The following ATP8B4 variants were observed in gnomAD, a reference collection of about 807,000 sequenced individuals.
The protein encoded by ATP8B4 is probable phospholipid-transporting ATPase IM.
Under a neutral mutation model 145.6 loss-of-function variants are expected in ATP8B4, and 133 were observed. The ratio of observed to expected loss-of-function variants is 0.91; its 90% CI spans 0.79 to 1.05. ATP8B4 has a LOEUF of 1.05. Ranked by LOEUF, ATP8B4 falls within the 50% of genes least tolerant of loss-of-function variation. The pLI is 0.00. For missense variants in ATP8B4, 1,458 were observed against 1,425.2 expected (o/e 1.02, Z -0.37); for synonymous variants, 507 against 492.9 (o/e 1.03, Z -0.38).
At chr15:50,152,869 T>C (rs749598938) in intron 1 of ATP8B4, among the ~76,000 whole-genome samples, 7 of 152,218 alleles carry the variant, frequency 4.6e-5, no homozygotes, top group Non-Finnish European at 8.8e-5. Flanking sequence ...AAATGTAATA[T>C]TTTGTGGAGG....
intron 23 of ATP8B4, among the ~76,000 whole-genome samples, chr15:49,892,456 G>A (rs2036936202): frequency 6.6e-6 from 1 of 152,144 alleles, no homozygotes; most frequent in Non-Finnish European, 1.5e-5. Flanking sequence ...TATTAAAATG[G>A]AAGTTTTTGT....
At chr15:50,046,308 ACTCT>A (rs1003589797) in intron 4 of ATP8B4, among the ~76,000 whole-genome samples, 6 of 146,698 alleles carry the variant, frequency 4.1e-5, no homozygotes, top group African/African-American at 1.3e-4. Flanking sequence ...TCTCTGCCCC[ACTCT>A]CTCTCTCTCT....
At chr15:49,870,468 T>A (rs548048431) in intron 25 of ATP8B4, among the ~76,000 whole-genome samples, 102 of 152,212 alleles carry the variant, frequency 6.7e-4, no homozygotes, top group African/African-American at 2.1e-3. Context: ...AATACTTTTT[T>A]AAAAAAACAA....
At chr15:50,158,102 C>T (rs1275331179) in intron 1 of ATP8B4, among the ~76,000 whole-genome samples, 2 of 152,184 alleles carry the variant, frequency 1.3e-5, no homozygotes, top group African/African-American at 2.4e-5. Flanking sequence ...TCTCGGCTCG[C>T]TACAACCTCC....
At chr15:50,172,986 G>A (rs552144785) in intron 1 of ATP8B4, among the ~76,000 whole-genome samples, 44 of 147,914 alleles carry the variant, frequency 3.0e-4, no homozygotes, top group East Asian at 1.4e-3. Flanking sequence ...GCCCCCGCCC[G>A]GCCAGCCGCC....
chr15:50,114,103 C>CTTTTTTTTTTTTTT (rs755159123), intron 1 of ATP8B4, among the ~76,000 whole-genome samples: 1,030 of 55,580 alleles, frequency 0.019, 80 homozygotes, highest in Middle Eastern at 0.028. Flanking sequence ...CTCCTAGTTT[C>CTTTTTTTTTTTTTT]TTTTTTTTTT....
intron 14 of ATP8B4, among the ~76,000 whole-genome samples, chr15:49,938,058 A>G (rs533516378): frequency 6.6e-6 from 1 of 152,294 alleles, no homozygotes; most frequent in African/African-American, 2.4e-5. Context: ...AAATATTCCC[A>G]AACAAGTAAC....
At chr15:50,045,146 G>T (rs2051617179) in intron 4 of ATP8B4, among the ~76,000 whole-genome samples, 1 of 152,168 alleles carries the variant, frequency 6.6e-6, no homozygotes, top group Non-Finnish European at 1.5e-5. Flanking sequence ...CATTGAGTTA[G>T]ATTCCTACTA....
At chr15:49,930,607 T>C (rs2041161047) in intron 16 of ATP8B4, among the ~76,000 whole-genome samples, 1 of 152,012 alleles carries the variant, frequency 6.6e-6, no homozygotes. Flanking sequence ...TGCCAAGCAA[T>C]TTAGAAACTC....
intron 2 of ATP8B4, among the ~76,000 whole-genome samples, chr15:50,081,355 A>G (rs961351020): frequency 6.6e-6 from 1 of 152,214 alleles, no homozygotes; most frequent in Non-Finnish European, 1.5e-5. Flanking sequence ...AAACTGAAAA[A>G]TAGTAAATGG....
chr15:49,972,782 A>G lies in ATP8B4; in HGVS notation c.1043T>C (p.Val348Ala). The G allele has an allele frequency of 6.2e-7, 1 of 1,613,500 alleles. No individual in the cohort carries two copies. Among genetic ancestry groups the G allele is most frequent in the South Asian group, 1.1e-5 (1 of 91,012 alleles). Reference protein sequence around the residue: ...VPISLYVSVEVIRLGHSYFIN... With the variant: ...VPISLYVSVEAIRLGHSYFIN... ...AAAATAACTGTGTCCTAGACGAATT[A>G]CTTCCACACTATCATCCATTAAAAT... is the stretch of plus-strand genomic sequence containing the variant. Residue 348 changes from valine (V) to alanine (A), a missense_variant, in exon 13 of 28, where the codon GTA (valine) becomes GCA (alanine). Coordinates refer to ENST00000284509, the MANE Select transcript of ATP8B4 (RefSeq NM_024837.4).
At chr15:49,890,272 A>T (rs924705871) in intron 23 of ATP8B4, among the ~76,000 whole-genome samples, 1 of 152,190 alleles carries the variant, frequency 6.6e-6, no homozygotes, top group African/African-American at 2.4e-5. Flanking sequence ...TCAGGACTGG[A>T]CAGAGAAAGT....
At chr15:49,862,398 T>G in intron 26 of ATP8B4, 23 bp from the exon 27 acceptor site, 1 of 1,609,624 alleles carries the variant, frequency 6.2e-7, no homozygotes. Flanking sequence ...AAAGAAAATA[T>G]ACACTGTGGT....
intron 1 of ATP8B4, among the ~76,000 whole-genome samples, chr15:50,132,097 G>A (rs948298602): frequency 2.6e-5 from 4 of 151,926 alleles, no homozygotes; most frequent in African/African-American, 9.7e-5. Context: ...CCTGTGGTTT[G>A]GCACCCCCGA....
chr15:49,902,049 C>T (rs1389405230), intron 20 of ATP8B4: 1 of 180,120 alleles, frequency 5.6e-6, no homozygotes, highest in East Asian at 1.7e-4. Flanking sequence ...CTACTGTTCT[C>T]TCCAAAATGG....
intron 6 of ATP8B4, among the ~76,000 whole-genome samples, chr15:50,031,534 A>G (rs1331402416): frequency 2.0e-5 from 3 of 151,170 alleles, no homozygotes; most frequent in Non-Finnish European, 4.4e-5. Flanking sequence ...AAATGTGTGT[A>G]AGCTGCAAAT....
chr15:50,059,217 G>C (rs1208934450), intron 3 of ATP8B4, among the ~76,000 whole-genome samples: 4 of 152,096 alleles, frequency 2.6e-5, no homozygotes, highest in Admixed American at 6.6e-5. Context: ...AGCCAACAAG[G>C]AGATTCAATA....
chr15:50,159,261 G>A (rs1214170652), intron 1 of ATP8B4, among the ~76,000 whole-genome samples: 1 of 152,080 alleles, frequency 6.6e-6, no homozygotes, highest in Non-Finnish European at 1.5e-5. Flanking sequence ...TTGTAGCAAT[G>A]TAAAGGGGAT....
intron 25 of ATP8B4, among the ~76,000 whole-genome samples, chr15:49,874,725 ACAAGAAGT>A (rs2034142663): frequency 6.6e-6 from 1 of 152,144 alleles, no homozygotes; most frequent in African/African-American, 2.4e-5. Flanking sequence ...ACTTCAAGCG[ACAAGAAGT>A]CACTTGAAGC....
Sources: allele counts gnomAD v4.1 joint callset (sites outside exome capture counted in the v4.1 genomes callset), GRCh38; gene constraint gnomAD v4.1.1; transcripts MANE v1.5; gene names NCBI Gene and HGNC (gene_info 2026-07-23, HGNC 2026-07-21).